CRB1: variants seen among roughly 807,000 people sequenced by gnomAD.
The protein encoded by CRB1 is protein crumbs homolog 1.
CRB1 carries 83 observed loss-of-function variants against 120.0 expected under a neutral mutation model. The observed-to-expected ratio is 0.69, with a 90% confidence interval of 0.58 to 0.83. CRB1 has a LOEUF of 0.83. Among genes scored for constraint, CRB1 ranks in the 40% least tolerant of loss-of-function variants. The pLI is 0.00. For synonymous variants in CRB1, 625 were observed against 612.5 expected (o/e 1.02, Z -0.30); for missense variants, 1,699 against 1,687.6 (o/e 1.01, Z -0.12).
At chr1:197,203,567 C>A in the CRB1 span, among the ~76,000 whole-genome samples, 2 of 152,120 alleles carry the variant, frequency 1.3e-5, no homozygotes, top group Non-Finnish European at 2.9e-5. Flanking sequence ...TCAGGTGATC[C>A]ACCCGCCTTG....
Position 197,477,989 on chromosome 1 carries a change from G to A in CRB1, c.*110G>A, listed in dbSNP as rs897932886. 34 of 1,068,544 alleles carry A rather than the reference G, an allele frequency of 3.2e-5. No individual in the cohort carries two copies. The highest frequency in any genetic ancestry group is 4.0e-4 in the Middle Eastern group (2 of 5,028). The allele number at this position is 1,068,544 out of a possible 1,614,324, so 66.2% of individuals were successfully genotyped here. ...GTTAATCTGCAACTGGGATTACACT[G>A]GAACTACAGGAATGATTCCTTTGAC... is the stretch of plus-strand genomic sequence containing the variant. On this transcript the variant is annotated 3_prime_UTR_variant, in exon 12 of 12. Transcript: ENST00000367400.
At chr1:197,259,956 C>A in the CRB1 span, among the ~76,000 whole-genome samples, 2 of 151,226 alleles carry the variant, frequency 1.3e-5, no homozygotes, top group Admixed American at 6.6e-5. Flanking sequence ...TAAAGACCAG[C>A]CTAGGCACAT....
At chr1:197,203,526 T>C in the CRB1 span, among the ~76,000 whole-genome samples, 2 of 152,140 alleles carry the variant, frequency 1.3e-5, no homozygotes, top group African/African-American at 4.8e-5. Context: ...GCTTTCATTA[T>C]GTTGGCCAGG....
At chr1:197,438,526 C>T in intron 9 of CRB1, 21 bp from the exon 10 acceptor site, 1 of 1,611,166 alleles carries the variant, frequency 6.2e-7, no homozygotes, top group Non-Finnish European at 8.5e-7. Flanking sequence ...ACAGCTGTGG[C>T]TCTTGCTTTT....
At chr1:197,201,882 A>C in the CRB1 span, among the ~76,000 whole-genome samples, 1 of 152,138 alleles carries the variant, frequency 6.6e-6, no homozygotes, top group Non-Finnish European at 1.5e-5. Flanking sequence ...ACAGAAAAAA[A>C]ATAGAAAAAT....
At chr1:197,207,325 A>G in the CRB1 span, among the ~76,000 whole-genome samples, 1 of 150,356 alleles carries the variant, frequency 6.7e-6, no homozygotes, top group Non-Finnish European at 1.5e-5. Flanking sequence ...TGTGAGATTT[A>G]TGTTTTAAGG....
chr1:197,213,347 A>C, the CRB1 span, among the ~76,000 whole-genome samples: 1 of 152,212 alleles, frequency 6.6e-6, no homozygotes, highest in African/African-American at 2.4e-5. Context: ...AAAGAGTCAC[A>C]AAAAGATATC....
intron 11 of CRB1, among the ~76,000 whole-genome samples, chr1:197,453,919 GATATTATTATATTATTAATAATAT>G (rs1666141858): frequency 4.1e-5 from 1 of 24,612 alleles, no homozygotes; most frequent in Non-Finnish European, 8.4e-5. Context: ...ATATATTATT[GATATTATTATATTATTAATAATAT>G]ATATTATTGA....
chr1:197,203,002 G>A, the CRB1 span, among the ~76,000 whole-genome samples: 13 of 147,490 alleles, frequency 8.8e-5, no homozygotes, highest in African/African-American at 2.6e-4. Flanking sequence ...TGTGTGTGAC[G>A]GAGAGAGAGA....
intron 1 of CRB1, among the ~76,000 whole-genome samples, chr1:197,287,388 C>CA (rs1166875466): frequency 6.6e-6 from 1 of 151,818 alleles, no homozygotes; most frequent in Non-Finnish European, 1.5e-5. Flanking sequence ...GTTTCAATTA[C>CA]AAAAGGACAA....
intron 9 of CRB1, among the ~76,000 whole-genome samples, chr1:197,435,824 T>C (rs927511): frequency 0.93 from 141,651 of 152,114 alleles, 66,848 homozygotes; most frequent in East Asian, 1. Flanking sequence ...TTAAATCAGA[T>C]TTTCAGCAAA....
intron 11 of CRB1, among the ~76,000 whole-genome samples, chr1:197,450,036 A>T (rs1665885034): frequency 6.6e-6 from 1 of 152,226 alleles, no homozygotes; most frequent in Non-Finnish European, 1.5e-5. Context: ...CCAAAAAAAT[A>T]AAAATCACAT....
At chr1:197,460,001 C>CTTTTTTTTTTTT (rs10679172) in intron 11 of CRB1, among the ~76,000 whole-genome samples, 32 of 75,612 alleles carry the variant, frequency 4.2e-4, no homozygotes, top group South Asian at 1.4e-3. Context: ...AAGCCCCCCT[C>CTTTTTTTTTTTT]TTTTTTTTTT....
intron 1 of CRB1, among the ~76,000 whole-genome samples, chr1:197,308,648 T>C (rs975049229): frequency 6.6e-6 from 1 of 152,016 alleles, no homozygotes; most frequent in Non-Finnish European, 1.5e-5. Context: ...TTTTGTAAAA[T>C]AGAGAATAAA....
Position 197,389,320 on chromosome 1 carries a change from A to G in CRB1, c.1172-31680A>G, listed in dbSNP as rs150858143. 2.0e-4 allele frequency among the ~76,000 whole-genome samples: 31 copies of G among 152,308 alleles called. No individual in the cohort carries two copies. The East Asian group carries it at 5.2e-3, about 26-fold the overall frequency. ...ATGATATATATGGTATGAATACTAT[A>G]TAAATATACCATACATATATCATGG... On this transcript the variant is annotated intron_variant, in intron 5 of 11. Coordinates refer to ENST00000367400, the MANE Select transcript of CRB1 (RefSeq NM_201253.3).
At chr1:197,231,986 G>A in the CRB1 span, among the ~76,000 whole-genome samples, 1 of 152,182 alleles carries the variant, frequency 6.6e-6, no homozygotes, top group African/African-American at 2.4e-5. Context: ...ATTCTGAGAT[G>A]AGGAGATTAT....
chr1:197,345,711 T>C (rs1474572831), intron 3 of CRB1, among the ~76,000 whole-genome samples: 1 of 152,034 alleles, frequency 6.6e-6, no homozygotes, highest in East Asian at 1.9e-4. Context: ...TTTCACCATG[T>C]TGGCGAGGCT....
intron 4 of CRB1, among the ~76,000 whole-genome samples, chr1:197,349,870 G>A (rs1659989269): frequency 6.6e-6 from 1 of 152,022 alleles, no homozygotes; most frequent in Non-Finnish European, 1.5e-5. Flanking sequence ...GGAGGCCGAG[G>A]CGGGTGGATC....
At chr1:197,300,251 A>G (rs1379574763) in intron 1 of CRB1, among the ~76,000 whole-genome samples, 1 of 151,980 alleles carries the variant, frequency 6.6e-6, no homozygotes, top group African/African-American at 2.4e-5. Flanking sequence ...AAGCTTATGG[A>G]GGAAGGCATA....
Sources: allele counts gnomAD v4.1 joint callset (sites outside exome capture counted in the v4.1 genomes callset), GRCh38; gene constraint gnomAD v4.1.1; transcripts MANE v1.5; gene names NCBI Gene and HGNC (gene_info 2026-07-23, HGNC 2026-07-21).